The following SLIT3 variants were observed in gnomAD, a reference collection of about 807,000 sequenced individuals.
SLIT3 encodes slit homolog 3 protein.
In SLIT3, 68 loss-of-function variants were observed where a neutral mutation model predicts 184.0. The ratio of observed to expected loss-of-function variants is 0.37; its 90% CI spans 0.30 to 0.45. SLIT3 has a LOEUF of 0.45. SLIT3 is among the 20% of genes least tolerant of loss of function. The pLI is 1.00. For missense variants in SLIT3, 1,707 were observed against 2,026.0 expected, an observed-to-expected ratio of 0.84 and a Z score of 3.02; for synonymous variants, 831 against 828.6, an observed-to-expected ratio of 1.00 and a Z score of -0.05.
chr5:168,938,626 C>A (rs755287932), intron 4 of SLIT3, among the ~76,000 whole-genome samples: 1 of 152,134 alleles, frequency 6.6e-6, no homozygotes, highest in Non-Finnish European at 1.5e-5. Context: ...TTTCTCTACA[C>A]AATGATTATT....
At chr5:168,753,167 G>GGT (rs376176223) in intron 17 of SLIT3, 69 bp from the exon 18 acceptor site, 141 of 1,532,016 alleles carry the variant, frequency 9.2e-5, no homozygotes, top group South Asian at 3.6e-4. Context: ...GTGCCACGGT[G>GGT]GTGTGTGTGT....
intron 4 of SLIT3, among the ~76,000 whole-genome samples, chr5:169,075,170 C>G (rs990886503): frequency 2.6e-5 from 4 of 151,550 alleles, no homozygotes; most frequent in Admixed American, 2.0e-4. Flanking sequence ...TCTCCTTGTT[C>G]TAATTTTGGA....
At chr5:169,189,527 GATATATATATATATATATAT>G (rs4042723) in intron 4 of SLIT3, among the ~76,000 whole-genome samples, 11,211 of 80,148 alleles carry the variant, frequency 0.14, 915 homozygotes, top group East Asian at 0.26. Flanking sequence ...AGATAGATGG[GATATATATATATATATATAT>G]ATATATATAT....
chr5:168,686,461 T>G (rs1761747928), intron 30 of SLIT3, among the ~76,000 whole-genome samples: 1 of 152,228 alleles, frequency 6.6e-6, no homozygotes, highest in Non-Finnish European at 1.5e-5. Context: ...GAACACTATA[T>G]ACTAAGTGAA....
At chr5:169,052,031 C>T (rs902027913) in intron 4 of SLIT3, among the ~76,000 whole-genome samples, 1 of 152,146 alleles carries the variant, frequency 6.6e-6, no homozygotes, top group Admixed American at 6.5e-5. Context: ...GTTACAATAA[C>T]CGGACATCCC....
At chr5:169,243,846 A>T (rs186764075) in intron 3 of SLIT3, among the ~76,000 whole-genome samples, 2 of 152,362 alleles carry the variant, frequency 1.3e-5, no homozygotes, top group Non-Finnish European at 2.9e-5. Flanking sequence ...GGCAACCAAG[A>T]TTCAGAGAGA....
chr5:168,725,281 CA>C (rs1252300532), intron 20 of SLIT3, among the ~76,000 whole-genome samples: 1 of 152,144 alleles, frequency 6.6e-6, no homozygotes, highest in African/African-American at 2.4e-5. Flanking sequence ...CTTAGAGACT[CA>C]AGTGTGGCTT....
chr5:168,754,158 T>A, intron 16 of SLIT3, 151 bp from the exon 17 acceptor site: 2 of 753,818 alleles, frequency 2.7e-6, no homozygotes, highest in Non-Finnish European at 4.2e-6. Flanking sequence ...TGGGGCTCCC[T>A]GAACTTTGGT....
At chr5:168,707,802 C>G in intron 26 of SLIT3, 174 bp downstream of exon 26, 2 of 688,072 alleles carry the variant, frequency 2.9e-6, no homozygotes. Context: ...CCCGCTAGTT[C>G]AGAGAACAGT....
At chr5:169,237,401 C>T (rs565274485) in intron 3 of SLIT3, among the ~76,000 whole-genome samples, 18 of 152,280 alleles carry the variant, frequency 1.2e-4, no homozygotes, top group Non-Finnish European at 1.3e-4. Flanking sequence ...ATTCAACTTT[C>T]GGTTCCCTCT....
intron 4 of SLIT3, among the ~76,000 whole-genome samples, chr5:168,965,781 T>C (rs1763164940): frequency 2.6e-5 from 4 of 152,244 alleles, no homozygotes; most frequent in Non-Finnish European, 5.9e-5. Flanking sequence ...TTCTGGTTTC[T>C]AGGTAAATAG....
At chr5:169,189,166 C>T (rs1294837367) in intron 4 of SLIT3, among the ~76,000 whole-genome samples, 1 of 152,132 alleles carries the variant, frequency 6.6e-6, no homozygotes, top group African/African-American at 2.4e-5. Context: ...CCCACTAATA[C>T]ACACATGAGT....
rs373160873 is a variant in SLIT3, at chr5:169,056,762, G to A, written c.413+136717C>T. On this transcript the variant is annotated intron_variant, in intron 4 of 35. Coordinates refer to ENST00000519560, the MANE Select transcript of SLIT3 (RefSeq NM_003062.4). ...AGAGACAAGGGAGCAGATTGGCGGAGCTGACGGTGCCCTGTGGCTGACTTC... is the reference window on the plus strand; with the variant it reads ...AGAGACAAGGGAGCAGATTGGCGGAACTGACGGTGCCCTGTGGCTGACTTC... 2.0e-5 allele frequency among the ~76,000 whole-genome samples: 3 copies of A among 152,224 alleles called. No homozygotes were observed. The East Asian group carries it at 5.8e-4, about 29-fold the overall frequency.
At chr5:168,966,104 A>T (rs1383046359) in intron 4 of SLIT3, among the ~76,000 whole-genome samples, 1 of 152,240 alleles carries the variant, frequency 6.6e-6, no homozygotes, top group Non-Finnish European at 1.5e-5. Context: ...GGGAAAAAAT[A>T]GGCAACATAA....
At chr5:169,012,979 A>C (rs541035331) in intron 4 of SLIT3, 119 of 152,370 alleles carry the variant, frequency 7.8e-4, no homozygotes, top group African/African-American at 2.8e-3. Flanking sequence ...GAGTTAAGCA[A>C]AATAATGCAG....
chr5:168,839,414 G>A (rs1251802071), intron 6 of SLIT3, among the ~76,000 whole-genome samples: 2 of 152,220 alleles, frequency 1.3e-5, no homozygotes, highest in African/African-American at 4.8e-5. Context: ...CCCCGTCCAA[G>A]GAGGACAGGT....
intron 4 of SLIT3, among the ~76,000 whole-genome samples, chr5:169,027,582 T>A (rs1254690437): frequency 6.6e-6 from 1 of 152,184 alleles, no homozygotes; most frequent in Admixed American, 6.5e-5. Context: ...TTTAATCTGA[T>A]TCCTTTTCAC....
chr5:169,137,335 C>CACAGAGAGAGAGAGAGAGAG (rs368371904), intron 4 of SLIT3, among the ~76,000 whole-genome samples: 23 of 138,660 alleles, frequency 1.7e-4, no homozygotes, highest in African/African-American at 5.3e-4. Flanking sequence ...CACACACACA[C>CACAGAGAGAGAGAGAGAGAG]AGAGAGAGAG....
At chr5:168,801,914 AAG>A (rs1368000197) in intron 9 of SLIT3, among the ~76,000 whole-genome samples, 2 of 151,970 alleles carry the variant, frequency 1.3e-5, no homozygotes, top group Non-Finnish European at 2.9e-5. Context: ...GAAAACACTG[AAG>A]AGAGTCTGCG....
Sources: gnomAD v4.1 joint callset for allele counts (sites outside exome capture counted in the v4.1 genomes callset) on GRCh38, gnomAD v4.1.1 for gene constraint, MANE v1.5 for transcripts, NCBI Gene and HGNC (gene_info 2026-07-23, HGNC 2026-07-21) for gene names.